The following CACNA2D1 variants were observed in gnomAD, a reference collection of about 807,000 sequenced individuals.
CACNA2D1 encodes voltage-dependent calcium channel subunit alpha-2/delta-1.
A neutral mutation model predicts 171.5 loss-of-function variants in CACNA2D1; 53 were observed. The observed-to-expected ratio is 0.31, with a 90% CI of 0.25 to 0.39. The LOEUF is 0.39. CACNA2D1 is among the 10% of genes least tolerant of loss of function. The pLI is 1.00. For missense variants in CACNA2D1, 903 were observed against 1,299.8 expected (o/e 0.69, Z 4.69); for synonymous variants, 442 against 443.1 (o/e 1.00, Z 0.03).
chr7:82,013,703 G>T (rs1800075938), intron 13 of CACNA2D1, among the ~76,000 whole-genome samples, 193 bp from the exon 14 acceptor site: 1 of 151,602 alleles, frequency 6.6e-6, no homozygotes, highest in African/African-American at 2.4e-5. Context: ...CAGGCTTTGT[G>T]AAAAATTTCA....
chr7:82,104,776 C>G (rs1237935871), intron 6 of CACNA2D1, among the ~76,000 whole-genome samples: 4 of 151,982 alleles, frequency 2.6e-5, no homozygotes, highest in Non-Finnish European at 2.9e-5. Flanking sequence ...AAAATTTTAA[C>G]AGTACGATAC....
At chr7:82,425,540 AT>A (rs796114518) in intron 1 of CACNA2D1, among the ~76,000 whole-genome samples, 25,852 of 142,070 alleles carry the variant, frequency 0.18, 2,395 homozygotes, top group Middle Eastern at 0.24. Flanking sequence ...ATGAGATTCA[AT>A]TTTTTTTTTT....
At chr7:81,982,057 T>G (rs1324098349) in intron 24 of CACNA2D1, among the ~76,000 whole-genome samples, 1 of 152,188 alleles carries the variant, frequency 6.6e-6, no homozygotes, top group African/African-American at 2.4e-5. Context: ...GGAAGCACTG[T>G]TTGTTCTACA....
At position 81,962,253 on chromosome 7, in the gene CACNA2D1, G is replaced by A. The variant is rs536614335; in HGVS notation, c.2836+187C>T. Among the ~76,000 whole-genome samples the A allele has an allele frequency of 2.5e-3, 386 of 152,010 alleles. 1 individual carries two copies. The highest frequency in any genetic ancestry group is 0.01 in the Middle Eastern group (3 of 292). Reference sequence around the variant, plus strand: ...ACAAGATGGCTATGAGATCAGGCCCGTGTGACCTAGGTAATTTCTAAAACA... The same window carrying A: ...ACAAGATGGCTATGAGATCAGGCCCATGTGACCTAGGTAATTTCTAAAACA... On this transcript the variant is annotated intron_variant, in intron 35 of 38. Coordinates refer to ENST00000356860, the MANE Select transcript of CACNA2D1 (RefSeq NM_000722.4).
intron 3 of CACNA2D1, among the ~76,000 whole-genome samples, chr7:82,240,519 G>A (rs1318605525): frequency 5.9e-5 from 9 of 152,042 alleles, no homozygotes; most frequent in Non-Finnish European, 1.3e-4. Flanking sequence ...AAAGTTTAGA[G>A]GCAAATACAA....
intron 3 of CACNA2D1, among the ~76,000 whole-genome samples, chr7:82,245,335 C>G (rs1585206074): frequency 6.6e-6 from 1 of 152,190 alleles, no homozygotes; most frequent in Non-Finnish European, 1.5e-5. Flanking sequence ...CTGCCCTGCA[C>G]TGATGCATAA....
At chr7:82,338,849 T>C (rs1195617393) in intron 2 of CACNA2D1, among the ~76,000 whole-genome samples, 1 of 152,298 alleles carries the variant, frequency 6.6e-6, no homozygotes, top group East Asian at 1.9e-4. Flanking sequence ...AGGGTCGGTA[T>C]GTCTGCTAGG....
Position 82,272,186 on chromosome 7 carries a change from T to C in CACNA2D1, c.294+62949A>G, listed in dbSNP as rs371524399. ...ATCTAAATTGTAGTATTCCAGCTTT[T>C]AGAAAGGAAGAATTCTGACAGCAAG... On this transcript the variant is annotated intron_variant, in intron 3 of 38. Transcript: ENST00000356860. 2.8e-3 allele frequency among the ~76,000 whole-genome samples: 434 copies of C among 152,300 alleles called. 3 individuals carry two copies. The highest frequency in any genetic ancestry group is 0.01 in the African/African-American group (418 of 41,590).
At chr7:82,413,484 G>T (rs1163737688) in intron 1 of CACNA2D1, among the ~76,000 whole-genome samples, 1 of 152,162 alleles carries the variant, frequency 6.6e-6, no homozygotes, top group Non-Finnish European at 1.5e-5. Flanking sequence ...CTGACATTGG[G>T]TTTGGCTCTC....
intron 12 of CACNA2D1, chr7:82,028,149 G>A (rs1802179481): frequency 6.6e-6 from 1 of 151,758 alleles, no homozygotes; most frequent in Non-Finnish European, 1.5e-5. Context: ...AGTAGCTAAT[G>A]CACTTGGTGA....
intron 8 of CACNA2D1, among the ~76,000 whole-genome samples, chr7:82,064,777 A>G (rs1274934404): frequency 6.6e-6 from 1 of 152,120 alleles, no homozygotes; most frequent in South Asian, 2.1e-4. Flanking sequence ...TCAAAAAGCA[A>G]TATCAACAAA....
chr7:82,070,411 A>G (rs1808186176), intron 7 of CACNA2D1, among the ~76,000 whole-genome samples: 1 of 152,222 alleles, frequency 6.6e-6, no homozygotes, highest in Non-Finnish European at 1.5e-5. Context: ...ATCTTAGTAT[A>G]GTAAAGTACT....
intron 1 of CACNA2D1, among the ~76,000 whole-genome samples, chr7:82,370,805 G>T (rs772780672): frequency 6.6e-6 from 1 of 151,966 alleles, no homozygotes; most frequent in Non-Finnish European, 1.5e-5. Flanking sequence ...CCATCTATGG[G>T]AACTCCTTAA....
intron 4 of CACNA2D1, among the ~76,000 whole-genome samples, chr7:82,142,316 A>G (rs1177159209): frequency 2.0e-5 from 3 of 152,208 alleles, no homozygotes; most frequent in African/African-American, 7.2e-5. Flanking sequence ...TCCCCTAGCA[A>G]GTTGAGAGAT....
chr7:82,078,888 A>C (rs985879297), intron 7 of CACNA2D1, among the ~76,000 whole-genome samples: 1 of 150,518 alleles, frequency 6.6e-6, no homozygotes, highest in Non-Finnish European at 1.5e-5. Context: ...GAGGAAGAAG[A>C]AAGAGGGTGG....
intron 7 of CACNA2D1, among the ~76,000 whole-genome samples, chr7:82,077,516 T>C (rs1809129387): frequency 6.6e-6 from 1 of 152,156 alleles, no homozygotes; most frequent in South Asian, 2.1e-4. Flanking sequence ...GTAGTTTCCC[T>C]ACCTGCCCCA....
At chr7:82,060,343 A>G in intron 10 of CACNA2D1, 85 bp downstream of exon 10, 3 of 873,240 alleles carry the variant, frequency 3.4e-6, no homozygotes, top group South Asian at 2.7e-5. Flanking sequence ...CAGCCTCTAT[A>G]AGATAAAAGT....
chr7:81,984,573 A>G, intron 22 of CACNA2D1, 62 bp downstream of exon 22: 1 of 909,998 alleles, frequency 1.1e-6, no homozygotes, highest in East Asian at 2.6e-5. Flanking sequence ...ATCTAGACGT[A>G]TTTAAACATC....
At chr7:82,442,469 ATATATT>A (rs1830578739) in intron 1 of CACNA2D1, among the ~76,000 whole-genome samples, 1 of 152,174 alleles carries the variant, frequency 6.6e-6, no homozygotes, top group Non-Finnish European at 1.5e-5. Flanking sequence ...AAAAATATGT[ATATATT>A]TATATGTGCC....
Sources: allele counts gnomAD v4.1 joint callset (sites outside exome capture counted in the v4.1 genomes callset), GRCh38; gene constraint gnomAD v4.1.1; transcripts MANE v1.5; gene names NCBI Gene and HGNC (gene_info 2026-07-23, HGNC 2026-07-21).